The following ITGAV variants were observed in gnomAD, a reference collection of about 807,000 sequenced individuals.
ITGAV encodes the protein integrin subunit alpha V.
In ITGAV, 76 loss-of-function variants were observed where a neutral mutation model predicts 143.8. The ratio of observed to expected loss-of-function variants is 0.53; its 90% CI spans 0.44 to 0.64. ITGAV has a LOEUF of 0.64. Ranked by LOEUF, ITGAV falls within the 30% of genes least tolerant of loss-of-function variation. The pLI, the probability that ITGAV is intolerant of heterozygous loss-of-function variation, is 0.00. For synonymous variants in ITGAV, 453 were observed against 446.7 expected (o/e 1.01, Z -0.18); for missense variants, 1,193 against 1,274.7 (o/e 0.94, Z 0.98).
At chr2:186,652,978 G>A (rs1205671097) in intron 15 of ITGAV, among the ~76,000 whole-genome samples, 3 of 114,630 alleles carry the variant, frequency 2.6e-5, no homozygotes, top group East Asian at 2.9e-4. Flanking sequence ...TCGCTCTGTC[G>A]CCCAGGCCGG....
chr2:186,642,535 C>CTTTTTTTTT (rs35034170), intron 12 of ITGAV, among the ~76,000 whole-genome samples: 13 of 113,164 alleles, frequency 1.1e-4, no homozygotes, highest in Non-Finnish European at 2.0e-4. Flanking sequence ...TCTTTTTTTT[C>CTTTTTTTTT]TTTTTTTTTT....
chr2:186,594,664 A>G lies in ITGAV; in HGVS notation c.185+4141A>G, dbSNP rs569175867. Among the ~76,000 whole-genome samples the G allele has an allele frequency of 3.9e-5, 6 of 152,344 alleles. No homozygotes were observed. The East Asian group carries it at 7.7e-4, about 20-fold the overall frequency. ...CATAATAAAGCTTCCATTGCCAGCA[A>G]GAAAGTCCAAACCGCTTAACATGGA... On this transcript the variant is annotated intron_variant, in intron 1 of 29. Coordinates refer to ENST00000261023, the MANE Select transcript of ITGAV (RefSeq NM_002210.5).
intron 1 of ITGAV, among the ~76,000 whole-genome samples, chr2:186,592,561 ATAAACT>A (rs1686642712): frequency 7.3e-6 from 1 of 136,296 alleles, no homozygotes; most frequent in Non-Finnish European, 1.6e-5. Flanking sequence ...TGAGAGGCTG[ATAAACT>A]TTAAGTGTTT....
At chr2:186,608,033 C>T (rs1559041064) in intron 2 of ITGAV, among the ~76,000 whole-genome samples, 1 of 152,134 alleles carries the variant, frequency 6.6e-6, no homozygotes. Context: ...GGCTTTGAAG[C>T]CAGAATGACT....
At chr2:186,659,213 T>A (rs768280366) in intron 18 of ITGAV, 38 bp downstream of exon 18, 5 of 1,361,892 alleles carry the variant, frequency 3.7e-6, no homozygotes, top group Admixed American at 5.4e-5. Context: ...GATATTTTGT[T>A]ATTTTTTTTT....
rs560168274 is a variant in ITGAV at position 186,668,742 on chromosome 2, A to G, written c.2434-20A>G. The G allele has an allele frequency of 3.2e-5, 51 of 1,608,642 alleles. No individual in the cohort carries two copies. The East Asian group carries it at 1.0e-3, about 33-fold the overall frequency. On this transcript the variant is annotated intron_variant, in intron 24 of 29. Transcript: ENST00000261023. ...AGATTTTTGCCCAAGGTGTAGATAC[A>G]TTTTCTTTTTTCTCCTTAGCTGAGA...
At chr2:186,631,723 G>A (rs1302496941) in intron 5 of ITGAV, among the ~76,000 whole-genome samples, 1 of 152,280 alleles carries the variant, frequency 6.6e-6, no homozygotes, top group Non-Finnish European at 1.5e-5. Flanking sequence ...AACTAATAAA[G>A]CATTTTCTTA....
At chr2:186,633,022 T>TAGAC (rs1280918072) in intron 5 of ITGAV, among the ~76,000 whole-genome samples, 3 of 150,938 alleles carry the variant, frequency 2.0e-5, no homozygotes, top group Non-Finnish European at 4.4e-5. Flanking sequence ...GATAGATACA[T>TAGAC]AGACAGACAG....
chr2:186,610,696 A>C (rs1379695642), intron 2 of ITGAV, among the ~76,000 whole-genome samples: 1 of 152,224 alleles, frequency 6.6e-6, no homozygotes, highest in African/African-American at 2.4e-5. Flanking sequence ...GAATTAGTGA[A>C]AATGAAACAG....
In ITGAV at chr2:186,667,781, G is replaced by A. The variant is rs573448497; in HGVS notation, c.2433+5G>A. 31 of 1,576,010 alleles carry A rather than the reference G, an allele frequency of 2.0e-5. 1 individual carries two copies. In the South Asian group the frequency reaches 3.3e-4, roughly 17 times the overall value. On this transcript the variant is annotated splice_donor_5th_base_variant and intron_variant, in intron 24 of 29. Coordinates refer to ENST00000261023, the MANE Select transcript of ITGAV (RefSeq NM_002210.5). ...GTTGTTCAGCACATCTATGAGGTTT[G>A]CAGTTGTTAGATTTTACTCAAACCT... is the stretch of plus-strand genomic sequence containing the variant.
intron 18 of ITGAV, 25 bp from the exon 19 acceptor site, chr2:186,663,743 A>T: frequency 6.4e-7 from 1 of 1,561,956 alleles, no homozygotes; most frequent in East Asian, 2.2e-5. Context: ...TTTTTCATGT[A>T]GAAAAATAAA....
chr2:186,677,045 T>TCAAGTATCATCATTACA, intron 29 of ITGAV, 110 bp downstream of exon 29: 1 of 1,241,534 alleles, frequency 8.1e-7, no homozygotes, highest in Non-Finnish European at 1.2e-6. Flanking sequence ...ACTGTAATGA[T>TCAAGTATCATCATTACA]GATACTTGAT....
At chr2:186,631,787 C>A (rs969770256) in intron 5 of ITGAV, among the ~76,000 whole-genome samples, 1 of 152,108 alleles carries the variant, frequency 6.6e-6, no homozygotes, top group East Asian at 1.9e-4. Context: ...AGTCCCAGCA[C>A]TTTGGGAGGC....
intron 18 of ITGAV, chr2:186,660,713 T>C (rs1261929476): frequency 1.3e-5 from 2 of 152,170 alleles, no homozygotes; most frequent in African/African-American, 4.8e-5. Flanking sequence ...TCTATATTAG[T>C]TTTCTAGGGC....
chr2:186,595,492 C>T (rs1056508855), intron 1 of ITGAV, among the ~76,000 whole-genome samples: 1 of 152,178 alleles, frequency 6.6e-6, no homozygotes, highest in East Asian at 1.9e-4. Context: ...CCCTCTGTAT[C>T]GCTCTCTCTT....
intron 15 of ITGAV, among the ~76,000 whole-genome samples, chr2:186,652,930 G>T (rs1399148493): frequency 9.2e-5 from 11 of 119,224 alleles, no homozygotes; most frequent in African/African-American, 2.1e-4. Flanking sequence ...TTTCATTATA[G>T]ATTTTTTTTT....
At chr2:186,596,903 C>G (rs543295477) in intron 1 of ITGAV, among the ~76,000 whole-genome samples, 1 of 152,250 alleles carries the variant, frequency 6.6e-6, no homozygotes, top group East Asian at 1.9e-4. Context: ...ATCGAGATGG[C>G]ATTTTGGATG....
intron 5 of ITGAV, among the ~76,000 whole-genome samples, chr2:186,632,047 A>G (rs550587868): frequency 6.2e-4 from 94 of 152,128 alleles, no homozygotes; most frequent in Non-Finnish European, 1.2e-3. Flanking sequence ...TAAAAATTTT[A>G]TTTTATCTGT....
intron 24 of ITGAV, 170 bp downstream of exon 24, chr2:186,667,946 T>C (rs1314957312): frequency 8.0e-6 from 3 of 374,566 alleles, no homozygotes; most frequent in African/African-American, 2.1e-5. Context: ...AATTCATTTT[T>C]ATTTGACAAA....
Sources: allele counts gnomAD v4.1 joint callset (sites outside exome capture counted in the v4.1 genomes callset), GRCh38; gene constraint gnomAD v4.1.1; transcripts MANE v1.5; gene names NCBI Gene and HGNC (gene_info 2026-07-23, HGNC 2026-07-21).